The following MALT1 variants were observed in gnomAD, a reference collection of about 807,000 sequenced individuals.
MALT1 encodes the protein MALT1 paracaspase.
MALT1 carries 36 observed loss-of-function variants against 85.5 expected under a neutral mutation model. That is an observed-to-expected ratio of 0.42 (90% CI 0.32 to 0.56). The LOEUF is 0.56. Ranked by LOEUF, MALT1 falls within the 20% of genes least tolerant of loss-of-function variation. The probability of loss-of-function intolerance (pLI) is 0.10; values close to 1 mark genes in which losing one functional copy is unlikely to be tolerated. For missense variants in MALT1, 716 were observed against 981.6 expected, an observed-to-expected ratio of 0.73 and a Z score of 3.62; for synonymous variants, 359 against 361.3, an observed-to-expected ratio of 0.99 and a Z score of 0.07.
In MALT1 at chr18:58,754,124, G is replaced by A. The variant is rs982615437; in HGVS notation, c.*6282G>A. On this transcript the variant is annotated 3_prime_UTR_variant, in exon 17 of 17. Transcript: ENST00000649217. ...TGAACTGATTGTTAGGCTAACCAGA[G>A]GTGTTACTATACCCTCCAGGATAAC... 2.6e-5 allele frequency: 4 copies of A among 152,178 alleles called. No individual in the cohort carries two copies. Among genetic ancestry groups the A allele is most frequent in the Non-Finnish European group, 4.4e-5 (3 of 68,038 alleles). The allele number at this position is 152,178 out of a possible 1,614,324, so 9.4% of individuals were successfully genotyped here.
chr18:58,677,895 A>G (rs1182697532), intron 1 of MALT1, among the ~76,000 whole-genome samples: 1 of 152,184 alleles, frequency 6.6e-6, no homozygotes, highest in Non-Finnish European at 1.5e-5. Context: ...GGACATTTTC[A>G]GGTTACCAAA....
rs145431304 is a variant in MALT1 at position 58,717,344 on chromosome 18, G to A, written c.1018+1377G>A. Reference sequence around the variant, plus strand: ...TGCCATTGCACTTCAGCTGGGCAACGAGAGTGAAACTCTGTCTCAAAAAAA... The same window carrying A: ...TGCCATTGCACTTCAGCTGGGCAACAAGAGTGAAACTCTGTCTCAAAAAAA... On this transcript the variant is annotated intron_variant, in intron 9 of 16. Coordinates refer to ENST00000649217, the MANE Select transcript of MALT1 (RefSeq NM_006785.4). 1.1e-4 allele frequency among the ~76,000 whole-genome samples: 16 copies of A among 149,018 alleles called. No homozygotes were observed. The East Asian group carries it at 2.8e-3, about 26-fold the overall frequency.
At chr18:58,729,489 CAAA>C (rs72233465) in intron 10 of MALT1, among the ~76,000 whole-genome samples, 8 of 96,510 alleles carry the variant, frequency 8.3e-5, no homozygotes, top group Non-Finnish European at 8.7e-5. Flanking sequence ...AACTCCGTCT[CAAA>C]AAAAAAAAAA....
chr18:58,696,338 T>A (rs911494624), intron 2 of MALT1, 28 bp from the exon 3 acceptor site: 2 of 210,120 alleles, frequency 9.5e-6, no homozygotes, highest in African/African-American at 5.7e-5. Context: ...GTGACTTTAA[T>A]TTTTTTTTTT....
At position 58,681,732 on chromosome 18, in the gene MALT1, G is replaced by A. The variant is rs58146676; in HGVS notation, c.376+396G>A. Among the ~76,000 whole-genome samples, 2,034 of 152,248 alleles carry A rather than the reference G, an allele frequency of 0.013. 140 individuals carry two copies. The East Asian group carries it at 0.22, about 17-fold the overall frequency. ...AAAATGAACATATATTTATTCCTATGTATTTATATAGATGAAGTAAAGCAA... is the reference window on the plus strand; with the variant it reads ...AAAATGAACATATATTTATTCCTATATATTTATATAGATGAAGTAAAGCAA... On this transcript the variant is annotated intron_variant, in intron 2 of 16. Coordinates refer to ENST00000649217, the MANE Select transcript of MALT1 (RefSeq NM_006785.4).
In MALT1 at chr18:58,693,887, C is replaced by T. The variant is rs549736414; in HGVS notation, c.377-2479C>T. On this transcript the variant is annotated intron_variant, in intron 2 of 16. Coordinates refer to ENST00000649217, the MANE Select transcript of MALT1 (RefSeq NM_006785.4). ...ATTTTTTAGATTTATTACTTGTTCT[C>T]TTTTGTCATTGTTGCAACTTTTTCC... is the stretch of plus-strand genomic sequence containing the variant. 1.6e-4 allele frequency among the ~76,000 whole-genome samples: 24 copies of T among 152,270 alleles called. No homozygotes were observed. In the South Asian group the frequency reaches 5.0e-3, roughly 32 times the overall value.
intron 3 of MALT1, among the ~76,000 whole-genome samples, chr18:58,699,646 G>A (rs537011407): frequency 6.6e-6 from 1 of 152,326 alleles, no homozygotes; most frequent in African/African-American, 2.4e-5. Flanking sequence ...GCATGATGGA[G>A]GTGCTCAAAG....
intron 14 of MALT1, among the ~76,000 whole-genome samples, 179 bp from the exon 15 acceptor site, chr18:58,744,159 T>A (rs1379236137): frequency 1.3e-5 from 2 of 152,170 alleles, no homozygotes; most frequent in African/African-American, 4.8e-5. Context: ...AAACAAATGG[T>A]AAATGAAAGA....
chr18:58,682,049 G>A (rs957260307), intron 2 of MALT1, among the ~76,000 whole-genome samples: 26 of 152,042 alleles, frequency 1.7e-4, no homozygotes, highest in African/African-American at 6.0e-4. Context: ...GGATCCAGTG[G>A]GCCATTATTT....
At chr18:58,726,078 TCCTTTA>T (rs1278551795) in intron 10 of MALT1, among the ~76,000 whole-genome samples, 2 of 152,044 alleles carry the variant, frequency 1.3e-5, no homozygotes, top group Admixed American at 1.3e-4. Context: ...CAAAAACAGA[TCCTTTA>T]GTTGCCCCTG....
At chr18:58,718,352 C>G (rs2054932665) in intron 9 of MALT1, among the ~76,000 whole-genome samples, 1 of 152,134 alleles carries the variant, frequency 6.6e-6, no homozygotes, top group Non-Finnish European at 1.5e-5. Flanking sequence ...GACAGGCATC[C>G]CCCACCCCCA....
intron 7 of MALT1, 68 bp downstream of exon 7, chr18:58,711,021 CT>C (rs2054824422): frequency 1.8e-6 from 2 of 1,137,020 alleles, no homozygotes; most frequent in Admixed American, 2.5e-5. Flanking sequence ...TGGTGGAGTG[CT>C]TTTAGCCTAC....
rs767072585 is a variant in MALT1, at chr18:58,748,412, CTG to C, written c.*574_*575del. ...TATATAAATATATACAGATACATAT[CTG>C]TGTATTATCTCAAGGAATGTACAAA... On this transcript the variant is annotated 3_prime_UTR_variant, in exon 17 of 17. Transcript: ENST00000649217. The C allele has an allele frequency of 1.6e-4, 28 of 179,308 alleles. No individual in the cohort carries two copies. The highest frequency in any genetic ancestry group is 2.1e-3 in the Middle Eastern group (1 of 480). The allele number at this position is 179,308 out of a possible 1,614,324, so 11.1% of individuals were successfully genotyped here.
At chr18:58,716,817 G>A (rs2054906905) in intron 9 of MALT1, among the ~76,000 whole-genome samples, 1 of 152,210 alleles carries the variant, frequency 6.6e-6, no homozygotes, top group Admixed American at 6.5e-5. Context: ...GGAAGTATCT[G>A]TTGAGACTGT....
intron 1 of MALT1, among the ~76,000 whole-genome samples, chr18:58,673,280 C>T (rs1022196016): frequency 2.1e-4 from 32 of 152,208 alleles, no homozygotes; most frequent in African/African-American, 7.7e-4. Flanking sequence ...AAGGGTTTAT[C>T]CAGGAATGGA....
At chr18:58,677,171 C>A (rs1487525379) in intron 1 of MALT1, among the ~76,000 whole-genome samples, 1 of 140,470 alleles carries the variant, frequency 7.1e-6, no homozygotes, top group Non-Finnish European at 1.5e-5. Flanking sequence ...AAAGCCAGTG[C>A]CCATACGGAA....
At chr18:58,741,720 CATAAT>C (rs2055304042) in intron 13 of MALT1, 140 bp from the exon 14 acceptor site, 2 of 469,310 alleles carry the variant, frequency 4.3e-6, no homozygotes, top group Non-Finnish European at 7.3e-6. Flanking sequence ...ATGTCTGGCA[CATAAT>C]AGGTGCTCAG....
At chr18:58,679,995 G>A (rs890432330) in intron 1 of MALT1, among the ~76,000 whole-genome samples, 3 of 151,992 alleles carry the variant, frequency 2.0e-5, no homozygotes, top group Non-Finnish European at 2.9e-5. Context: ...ACCAGCCTGG[G>A]CAACATAGCA....
intron 2 of MALT1, among the ~76,000 whole-genome samples, chr18:58,683,249 T>G (rs1484546311): frequency 1.3e-5 from 2 of 152,210 alleles, no homozygotes; most frequent in East Asian, 3.8e-4. Flanking sequence ...CATACTTTAT[T>G]GAATACCAGG....
Sources: gnomAD v4.1 joint callset for allele counts (sites outside exome capture counted in the v4.1 genomes callset) on GRCh38, gnomAD v4.1.1 for gene constraint, MANE v1.5 for transcripts, NCBI Gene and HGNC (gene_info 2026-07-23, HGNC 2026-07-21) for gene names.